NLGN1: variants seen among roughly 807,000 people sequenced by gnomAD.
NLGN1 encodes the protein neuroligin-1.
A neutral mutation model predicts 65.5 loss-of-function variants in NLGN1; 12 were observed. That is an observed-to-expected ratio of 0.18 (90% confidence interval 0.12 to 0.30). The LOEUF (loss-of-function observed/expected upper bound fraction) is 0.30. NLGN1 is among the 10% of genes least tolerant of loss of function. NLGN1 has a pLI of 1.00. For synonymous variants in NLGN1, 350 were observed against 359.5 expected, an observed-to-expected ratio of 0.97 and a Z score of 0.30; for missense variants, 750 against 1,007.1, an observed-to-expected ratio of 0.74 and a Z score of 3.46.
intron 4 of NLGN1, among the ~76,000 whole-genome samples, chr3:174,262,909 A>G (rs1344860260): frequency 2.8e-5 from 3 of 108,634 alleles, no homozygotes; most frequent in Non-Finnish European, 5.6e-5. Context: ...GGTTTCAAAG[A>G]ACATCTTTAT....
intron 2 of NLGN1, among the ~76,000 whole-genome samples, chr3:173,601,412 A>T (rs912370401): frequency 6.6e-6 from 1 of 151,892 alleles, no homozygotes; most frequent in Non-Finnish European, 1.5e-5. Flanking sequence ...TTTCCTTTCT[A>T]CTCAGAGATG....
chr3:173,771,317 AGAAAATAAG>A (rs1779542211), intron 3 of NLGN1, among the ~76,000 whole-genome samples: 1 of 152,236 alleles, frequency 6.6e-6, no homozygotes, highest in Non-Finnish European at 1.5e-5. Flanking sequence ...TAAACTGAAT[AGAAAATAAG>A]GAACTGTATT....
intron 1 of NLGN1, among the ~76,000 whole-genome samples, chr3:173,416,684 GCA>G (rs1713862930): frequency 6.6e-6 from 1 of 152,100 alleles, no homozygotes; most frequent in South Asian, 2.1e-4. Flanking sequence ...TCATTCCAAA[GCA>G]TGTGAGCATC....
At chr3:173,444,291 A>G (rs1431599920) in intron 2 of NLGN1, among the ~76,000 whole-genome samples, 1 of 152,218 alleles carries the variant, frequency 6.6e-6, no homozygotes, top group Non-Finnish European at 1.5e-5. Context: ...CTGTGGCTCC[A>G]TATCTGTATA....
At chr3:173,538,093 G>C (rs1477168949) in intron 2 of NLGN1, among the ~76,000 whole-genome samples, 2 of 152,184 alleles carry the variant, frequency 1.3e-5, no homozygotes, top group African/African-American at 2.4e-5. Context: ...AAGCAAAAAT[G>C]TTGTAAGTGG....
At chr3:174,052,705 T>G (rs764192221) in intron 4 of NLGN1, among the ~76,000 whole-genome samples, 2 of 152,044 alleles carry the variant, frequency 1.3e-5, no homozygotes, top group African/African-American at 2.4e-5. Flanking sequence ...ACAAAGTGAT[T>G]AGGTGCTTCT....
chr3:173,560,094 C>T (rs891084105), intron 2 of NLGN1, among the ~76,000 whole-genome samples: 6 of 152,050 alleles, frequency 3.9e-5, no homozygotes, highest in African/African-American at 1.4e-4. Context: ...CAGGCGCCTG[C>T]CACCACGCCT....
chr3:174,280,518 A>T lies in NLGN1; in HGVS notation c.1687A>T (p.Ile563Phe). 1.2e-6 allele frequency: 2 copies of T among 1,611,980 alleles called. No individual in the cohort carries two copies. The highest frequency in any genetic ancestry group is 1.7e-6 in the Non-Finnish European group (2 of 1,178,994). The stretch of plus-strand genomic sequence containing the variant: ...ACCAGTCCCTCAAGACACGAAATTC[A>T]TTCATACCAAACCCAACCGTTTTGA... Residue 563 changes from isoleucine to phenylalanine, a missense_variant, in exon 7 of 7, where the codon ATT becomes TTT. Transcript: ENST00000457714. This position sits in a 1 kb window ranked among gnomAD's most constrained non-coding sequence, Gnocchi z 4.9.
intron 2 of NLGN1, among the ~76,000 whole-genome samples, chr3:173,585,257 T>A (rs966398833): frequency 6.6e-6 from 1 of 152,080 alleles, no homozygotes; most frequent in African/African-American, 2.4e-5. Context: ...AGCTCTCAAC[T>A]TTGCATTGAA....
intron 4 of NLGN1, among the ~76,000 whole-genome samples, chr3:173,855,646 C>G (rs2150766188): frequency 6.6e-6 from 1 of 152,162 alleles, no homozygotes; most frequent in Admixed American, 6.5e-5. Context: ...CACAACGGTT[C>G]AAAAAGTTGC....
intron 4 of NLGN1, among the ~76,000 whole-genome samples, chr3:173,931,282 C>T (rs896059647): frequency 2.0e-5 from 3 of 152,022 alleles, no homozygotes; most frequent in African/African-American, 7.2e-5. Flanking sequence ...AAGAAGCTAA[C>T]ATCATAAATA....
chr3:174,256,525 A>T (rs1745791344), intron 4 of NLGN1, among the ~76,000 whole-genome samples: 2 of 151,982 alleles, frequency 1.3e-5, no homozygotes, highest in Non-Finnish European at 2.9e-5. Context: ...GAGTGCTTTC[A>T]ATTTTTATTT....
chr3:173,834,065 C>G (rs1354074177), intron 4 of NLGN1, among the ~76,000 whole-genome samples: 4 of 152,030 alleles, frequency 2.6e-5, no homozygotes, highest in African/African-American at 7.2e-5. Context: ...AGAAAAAAAT[C>G]AAACTTTTTC....
chr3:173,637,648 G>C (rs1756803503), intron 3 of NLGN1, among the ~76,000 whole-genome samples: 1 of 152,034 alleles, frequency 6.6e-6, no homozygotes, highest in Admixed American at 6.6e-5. Context: ...GATGTTATGA[G>C]GCATGTCTAT....
chr3:173,749,328 G>T (rs1378883957), intron 3 of NLGN1, among the ~76,000 whole-genome samples: 3 of 151,936 alleles, frequency 2.0e-5, no homozygotes, highest in Non-Finnish European at 4.4e-5. Context: ...CAGGTGTCAG[G>T]AGCCCTATTG....
intron 2 of NLGN1, among the ~76,000 whole-genome samples, chr3:173,568,672 G>T (rs1302766922): frequency 6.6e-6 from 1 of 151,552 alleles, no homozygotes; most frequent in Admixed American, 6.6e-5. Flanking sequence ...GGAGTGTCTA[G>T]GACTTTTTTG....
intron 4 of NLGN1, among the ~76,000 whole-genome samples, chr3:173,917,166 T>G (rs1455082758): frequency 1.3e-5 from 2 of 152,236 alleles, no homozygotes; most frequent in Admixed American, 6.5e-5. Flanking sequence ...ATTAAAGATC[T>G]AATTTGCAGA....
chr3:173,998,334 A>C (rs940988345), intron 4 of NLGN1, among the ~76,000 whole-genome samples: 4 of 152,186 alleles, frequency 2.6e-5, no homozygotes, highest in Non-Finnish European at 5.9e-5. Context: ...GAATTTATCC[A>C]AGCTTACAAC....
At chr3:173,577,865 GGATA>G (rs987247692) in intron 2 of NLGN1, among the ~76,000 whole-genome samples, 8 of 151,856 alleles carry the variant, frequency 5.3e-5, no homozygotes, top group African/African-American at 1.7e-4. Context: ...GGTGATAGAT[GGATA>G]GATAGACAGA....
Sources: gnomAD v4.1 joint callset for allele counts (sites outside exome capture counted in the v4.1 genomes callset) on GRCh38, gnomAD v4.1.1 for gene constraint, Gnocchi (gnomAD v3.1) non-coding constraint, MANE v1.5 for transcripts, NCBI Gene and HGNC (gene_info 2026-07-23, HGNC 2026-07-21) for gene names.